Variants in ITPR2 observed in about 807,000 individuals in gnomAD.
The protein encoded by ITPR2 is inositol 1,4,5-trisphosphate receptor type 2, also known as inositol 1,4,5-trisphosphate-gated calcium channel ITPR2.
In ITPR2, 207 loss-of-function variants were observed where a neutral mutation model predicts 317.1. The ratio of observed to expected loss-of-function variants is 0.65; its 90% confidence interval spans 0.58 to 0.73. The LOEUF (loss-of-function observed/expected upper bound fraction) is 0.73, where lower values mean the gene tolerates loss of function less well. ITPR2 is among the 30% of genes least tolerant of loss of function. The pLI is 0.00. For synonymous variants in ITPR2, 1,156 were observed against 1,149.1 expected (o/e 1.01, Z -0.12); for missense variants, 2,613 against 3,284.0 (o/e 0.80, Z 4.99).
At chr12:26,698,501 A>T (rs1239109473) in intron 9 of ITPR2, among the ~76,000 whole-genome samples, 2 of 152,234 alleles carry the variant, frequency 1.3e-5, no homozygotes, top group Non-Finnish European at 2.9e-5. Flanking sequence ...AAATAAACGA[A>T]CAAACAAAAC....
At position 26,676,533 on chromosome 12, in the gene ITPR2, C is replaced by A. The variant is rs900454506; in HGVS notation, c.1409+5341G>T. Among the ~76,000 whole-genome samples the A allele has an allele frequency of 2.0e-5, 3 of 147,574 alleles. No homozygotes were observed. In the South Asian group the frequency reaches 6.5e-4, roughly 32 times the overall value. On this transcript the variant is annotated intron_variant, in intron 13 of 56. Transcript: ENST00000381340. ...TAAAGATATTTTCATATACATAAAA[C>A]CTAAAAAGATTATAACCCATAGGCC...
At chr12:26,791,479 T>C (rs1950339955) in intron 1 of ITPR2, among the ~76,000 whole-genome samples, 1 of 152,096 alleles carries the variant, frequency 6.6e-6, no homozygotes, top group African/African-American at 2.4e-5. Flanking sequence ...AAATGAAACT[T>C]TTGGTTCCTA....
intron 37 of ITPR2, among the ~76,000 whole-genome samples, chr12:26,520,001 C>T (rs1047405121): frequency 8.5e-5 from 13 of 152,068 alleles, no homozygotes; most frequent in African/African-American, 3.1e-4. Context: ...GATTACCTGG[C>T]TGGGAGGTAG....
intron 9 of ITPR2, among the ~76,000 whole-genome samples, chr12:26,698,779 A>C (rs1032397229): frequency 7.2e-5 from 11 of 152,184 alleles, no homozygotes; most frequent in Non-Finnish European, 1.2e-4. Flanking sequence ...ATTAGTTTCA[A>C]AACGGGATTT....
rs1244842288 is a variant in ITPR2, at chr12:26,722,430, A to G, written c.492T>C (p.His164=). The G allele has an allele frequency of 6.2e-7, 1 of 1,612,562 alleles. No homozygotes were observed. The highest frequency in any genetic ancestry group is 1.7e-5 in the Admixed American group (1 of 59,918). Reference sequence around the variant, plus strand: ...CCTCGCTTCTCAGTTTCCAGAACGGATGAATATAAAACCAAGACCCTTCAT... The same window carrying G: ...CCTCGCTTCTCAGTTTCCAGAACGGGTGAATATAAAACCAAGACCCTTCAT... ...AGNEGSWFYI[H]PFWKLRSEGD... The change falls in exon 5 of 57, where the codon CAT becomes CAC. Residue 164 remains histidine (H), a synonymous_variant. Coordinates refer to ENST00000381340, the MANE Select transcript of ITPR2 (RefSeq NM_002223.4).
intron 37 of ITPR2, among the ~76,000 whole-genome samples, chr12:26,539,316 C>T (rs1944194404): frequency 6.6e-6 from 1 of 152,188 alleles, no homozygotes; most frequent in Non-Finnish European, 1.5e-5. Flanking sequence ...CAGCTAGTTG[C>T]TCTCATTAAT....
chr12:26,394,273 T>C (rs762481189), intron 54 of ITPR2, among the ~76,000 whole-genome samples: 4 of 152,174 alleles, frequency 2.6e-5, no homozygotes, highest in Non-Finnish European at 4.4e-5. Flanking sequence ...ATAAAGTTCA[T>C]GCATTTTCTT....
chr12:26,542,526 A>G (rs557066446), intron 37 of ITPR2, among the ~76,000 whole-genome samples: 17 of 152,362 alleles, frequency 1.1e-4, no homozygotes, highest in Non-Finnish European at 2.9e-5. Flanking sequence ...TGAAGAATAA[A>G]TAAGGTAACA....
rs1951105880 is a variant in ITPR2, at chr12:26,831,706, ATATAAATATATATT to A, written c.92+970_92+983del. Reference sequence around the variant, plus strand: ...TATATATATATATTCTACATAAAATATATAAATATATATTCTACATAAAATATATAAATATATAT... The same window carrying A: ...TATATATATATATTCTACATAAAATACTACATAAAATATATAAATATATAT... On this transcript the variant is annotated intron_variant, in intron 1 of 56. Transcript: ENST00000381340. The surrounding 1 kb of genome is among the most constrained non-coding windows in gnomAD (Gnocchi z 4.9). Among the ~76,000 whole-genome samples, 1 of 135,526 alleles carries A rather than the reference ATATAAATATATATT, an allele frequency of 7.4e-6. No homozygotes were observed. The highest frequency in any genetic ancestry group is 2.6e-5 in the African/African-American group (1 of 37,770). The allele number at this position is 135,526 out of a possible 152,430, so 88.9% of individuals were successfully genotyped here. A position where few individuals can be genotyped will look rare whatever the true frequency, so the allele number is the denominator to read the frequency against.
intron 55 of ITPR2, among the ~76,000 whole-genome samples, chr12:26,354,163 A>G (rs1227740322): frequency 6.6e-6 from 1 of 152,058 alleles, no homozygotes; most frequent in Non-Finnish European, 1.5e-5. Flanking sequence ...AATCCCAGCT[A>G]CTCAGGAGAC....
chr12:26,715,554 T>C (rs1948724907), intron 7 of ITPR2, 109 bp from the exon 8 acceptor site: 2 of 948,486 alleles, frequency 2.1e-6, no homozygotes, highest in South Asian at 3.6e-5. Context: ...TTTTAAAGCT[T>C]ATTTAAATTT....
intron 14 of ITPR2, among the ~76,000 whole-genome samples, chr12:26,664,380 G>T (rs1400046336): frequency 2.6e-5 from 4 of 152,282 alleles, no homozygotes; most frequent in African/African-American, 9.6e-5. Context: ...GAACATATCA[G>T]CATTCAAATG....
chr12:26,645,970 C>CTTTTTTTTTTTTTTTT (rs777192053), intron 21 of ITPR2, among the ~76,000 whole-genome samples: 4 of 119,004 alleles, frequency 3.4e-5, no homozygotes, highest in African/African-American at 6.7e-5. Context: ...TCTTTCTTTC[C>CTTTTTTTTTTTTTTTT]TTTTTTTTTT....
intron 37 of ITPR2, among the ~76,000 whole-genome samples, chr12:26,534,084 T>C (rs1190598521): frequency 6.6e-6 from 1 of 152,200 alleles, no homozygotes; most frequent in African/African-American, 2.4e-5. Flanking sequence ...TCCATTCTCC[T>C]AACCCCGTGG....
intron 42 of ITPR2, among the ~76,000 whole-genome samples, chr12:26,481,515 C>G (rs1324886616): frequency 6.6e-6 from 1 of 152,174 alleles, no homozygotes; most frequent in Non-Finnish European, 1.5e-5. Context: ...TCAGAGAATA[C>G]TGGTTAAGTT....
At chr12:26,704,639 T>C (rs1255742915) in intron 9 of ITPR2, among the ~76,000 whole-genome samples, 2 of 138,648 alleles carry the variant, frequency 1.4e-5, no homozygotes, top group Admixed American at 7.3e-5. Context: ...ATTTTCTCTC[T>C]GTTTCCTCCC....
intron 9 of ITPR2, among the ~76,000 whole-genome samples, chr12:26,702,222 T>C (rs1948456659): frequency 6.6e-6 from 1 of 152,066 alleles, no homozygotes; most frequent in Non-Finnish European, 1.5e-5. Flanking sequence ...CTTCCCCTCA[T>C]GCCACCTAAC....
intron 39 of ITPR2, among the ~76,000 whole-genome samples, chr12:26,492,892 GAT>G (rs1411778955): frequency 2.8e-5 from 3 of 106,758 alleles, no homozygotes; most frequent in South Asian, 3.9e-4. Flanking sequence ...ATCATTGCAC[GAT>G]ATGTGTGTGT....
chr12:26,520,351 GTTCCTCTTCTCTGCTTC>G (rs1943631438), intron 37 of ITPR2, among the ~76,000 whole-genome samples: 1 of 152,122 alleles, frequency 6.6e-6, no homozygotes, highest in Non-Finnish European at 1.5e-5. Context: ...GAAGAGACTT[GTTCCTCTTCTCTGCTTC>G]CTATGGGCTT....
Sources: gnomAD v4.1 joint callset for allele counts (sites outside exome capture counted in the v4.1 genomes callset) on GRCh38, gnomAD v4.1.1 for gene constraint, Gnocchi (gnomAD v3.1) non-coding constraint, MANE v1.5 for transcripts, NCBI Gene and HGNC (gene_info 2026-07-23, HGNC 2026-07-21) for gene names.